The following VLDLR variants were observed in gnomAD, a reference collection of about 807,000 sequenced individuals.
VLDLR encodes the protein very low-density lipoprotein receptor.
A neutral mutation model predicts 112.7 loss-of-function variants in VLDLR; 81 were observed. The ratio of observed to expected loss-of-function variants is 0.72; its 90% confidence interval spans 0.60 to 0.86. VLDLR has a LOEUF of 0.86. Ranked by LOEUF, VLDLR falls within the 40% of genes least tolerant of loss-of-function variation. VLDLR has a pLI of 0.00. For synonymous variants in VLDLR, 436 were observed against 384.8 expected, an observed-to-expected ratio of 1.13 and a Z score of -1.56; for missense variants, 1,237 against 1,099.4, an observed-to-expected ratio of 1.13 and a Z score of -1.77.
Position 2,648,786 on chromosome 9 carries a change from T to TATCA in VLDLR, c.2081_2084dup (p.His695GlnfsTer3). On this transcript the variant is annotated frameshift_variant, in exon 14 of 19. Coordinates refer to ENST00000382100, the MANE Select transcript of VLDLR (RefSeq NM_003383.5). LOFTEE classifies it high-confidence loss of function. ...GAATGATGCCCAAGACATCATTGTC[T>TATCA]ATCATGAACTTGTACAGCCATCAGG... 6.2e-7 allele frequency: 1 copy of TATCA among 1,614,180 alleles called. No individual in the cohort carries two copies. The highest frequency in any genetic ancestry group is 8.5e-7 in the Non-Finnish European group (1 of 1,180,026).
chr9:2,653,682 C>G (rs1252772117), intron 18 of VLDLR, 151 bp from the exon 19 acceptor site: 1 of 804,552 alleles, frequency 1.2e-6, no homozygotes, highest in African/African-American at 1.7e-5. Flanking sequence ...ATGAATGATA[C>G]AACTCAGTAT....
At chr9:2,644,646 A>G in intron 7 of VLDLR, 88 bp from the exon 8 acceptor site, 3 of 1,584,854 alleles carry the variant, frequency 1.9e-6, no homozygotes, top group South Asian at 2.2e-5. Context: ...GGCCAACTAG[A>G]TAAGTTATCA....
chr9:2,640,469 C>G (rs1006278920), intron 3 of VLDLR, among the ~76,000 whole-genome samples: 6 of 152,130 alleles, frequency 3.9e-5, no homozygotes, highest in African/African-American at 1.4e-4. Flanking sequence ...CCTCAAGTTA[C>G]TAAAATGGAG....
At chr9:2,627,965 A>G (rs183884923) in intron 1 of VLDLR, among the ~76,000 whole-genome samples, 154 of 152,242 alleles carry the variant, frequency 1.0e-3, no homozygotes, top group Non-Finnish European at 1.6e-3. Context: ...AAAGTATTCT[A>G]GCTAGTAAAA....
At chr9:2,653,776 A>C in intron 18 of VLDLR, 57 bp from the exon 19 acceptor site, 37 of 1,595,914 alleles carry the variant, frequency 2.3e-5, no homozygotes, top group Non-Finnish European at 2.9e-5. Flanking sequence ...TTTAAAGACT[A>C]GAGTTGCCAT....
At chr9:2,651,819 A>T (rs1818362268) in intron 16 of VLDLR, 55 bp from the exon 17 acceptor site, 1 of 1,607,074 alleles carries the variant, frequency 6.2e-7, no homozygotes, top group Non-Finnish European at 8.5e-7. Flanking sequence ...TGATGGGTAA[A>T]TTTCTAAGTC....
At chr9:2,639,485 G>A (rs1586646512) in intron 2 of VLDLR, among the ~76,000 whole-genome samples, 1 of 152,188 alleles carries the variant, frequency 6.6e-6, no homozygotes, top group African/African-American at 2.4e-5. Flanking sequence ...TCAGAAGATG[G>A]AATGTTTAGC....
chr9:2,659,085 T>G lies in VLDLR; in HGVS notation c.*5217T>G, dbSNP rs1453231783. The stretch of plus-strand genomic sequence containing the variant: ...GGCTGCCAAAGCACTTAAAATCTCC[T>G]TTAAATTCTTACCATATGCTTACTT... On this transcript the variant is annotated 3_prime_UTR_variant, in exon 19 of 19. Transcript: ENST00000382100. 2.0e-5 allele frequency: 3 copies of G among 152,230 alleles called. No individual in the cohort carries two copies. 9.4% of individuals were successfully genotyped at this position (152,230 alleles called of 1,614,324 possible).
Position 2,622,138 on chromosome 9 carries a change from C to T in VLDLR, c.-52C>T. Reference sequence around the variant, plus strand: ...TCGGAAGGACTGGTAACTTGTCGTGCGGAGCGAACGGCGGCGGCGGCGGCG... The same window carrying T: ...TCGGAAGGACTGGTAACTTGTCGTGTGGAGCGAACGGCGGCGGCGGCGGCG... On this transcript the variant is annotated 5_prime_UTR_variant, in exon 1 of 19. Coordinates refer to ENST00000382100, the MANE Select transcript of VLDLR (RefSeq NM_003383.5). The T allele has an allele frequency of 7.1e-7, 1 of 1,415,494 alleles. No homozygotes were observed. The highest frequency in any genetic ancestry group is 9.3e-7 in the Non-Finnish European group (1 of 1,079,270). The allele number at this position is 1,415,494 out of a possible 1,614,324, so 87.7% of individuals were successfully genotyped here.
intron 1 of VLDLR, among the ~76,000 whole-genome samples, chr9:2,631,392 C>G (rs889287207): frequency 6.6e-6 from 1 of 152,026 alleles, no homozygotes; most frequent in African/African-American, 2.4e-5. Flanking sequence ...TTCACAGTAA[C>G]AAAGATACAG....
chr9:2,622,089 C>A lies in VLDLR; in HGVS notation c.-101C>A, dbSNP rs1306859502. 1.6e-6 allele frequency: 2 copies of A among 1,226,778 alleles called. No homozygotes were observed. Among genetic ancestry groups the A allele is most frequent in the Non-Finnish European group, 2.2e-6 (2 of 914,350 alleles). The allele number at this position is 1,226,778 out of a possible 1,614,324, so 76.0% of individuals were successfully genotyped here. Reference sequence around the variant, plus strand: ...CCCCTCCTTCTCCCCCTTTCCCCTCCCCGCCCCCACCTTCTTCCTCCTTTC... The same window carrying A: ...CCCCTCCTTCTCCCCCTTTCCCCTCACCGCCCCCACCTTCTTCCTCCTTTC... On this transcript the variant is annotated 5_prime_UTR_variant, in exon 1 of 19. Transcript: ENST00000382100.
At chr9:2,649,007 C>T (rs1445209927) in intron 14 of VLDLR, among the ~76,000 whole-genome samples, 197 bp downstream of exon 14, 3 of 152,202 alleles carry the variant, frequency 2.0e-5, no homozygotes, top group Non-Finnish European at 4.4e-5. Context: ...TCAACTTCAG[C>T]TCCTGGCTTT....
Position 2,652,067 on chromosome 9 carries a change from T to G in VLDLR, c.2416+113T>G, listed in dbSNP as rs866930059. 4.2e-6 allele frequency: 4 copies of G among 950,986 alleles called. No individual in the cohort carries two copies. The Middle Eastern group carries it at 1.1e-3, about 255-fold the overall frequency. The allele number at this position is 950,986 out of a possible 1,614,324, so 58.9% of individuals were successfully genotyped here. A position where few individuals can be genotyped will look rare whatever the true frequency, so the allele number is the denominator to read the frequency against. On this transcript the variant is annotated intron_variant, in intron 17 of 18. Coordinates refer to ENST00000382100, the MANE Select transcript of VLDLR (RefSeq NM_003383.5). ...GGGCCTTTATGCTGTCTAGCATTTA[T>G]GACACTGAATTACGTTCGCTTTCTC...
At chr9:2,624,841 A>C (rs1277413278) in intron 1 of VLDLR, among the ~76,000 whole-genome samples, 1 of 152,242 alleles carries the variant, frequency 6.6e-6, no homozygotes, top group Non-Finnish European at 1.5e-5. Flanking sequence ...TCACCAGCCA[A>C]GCCCTCCTTG....
chr9:2,631,447 T>C (rs569651356), intron 1 of VLDLR, among the ~76,000 whole-genome samples: 1 of 152,232 alleles, frequency 6.6e-6, no homozygotes, highest in Admixed American at 6.5e-5. Context: ...AAAGAAAATA[T>C]GGTACATATA....
rs754648994 is a variant in VLDLR at position 2,648,332 on chromosome 9, A to C, written c.1947A>C (p.Ala649=). The part of the protein sequence containing the change: ...KSLEFLAHPL[A]LTIFEDRVYW... Reference sequence around the variant, plus strand: ...TGGAGTTCCTAGCTCATCCTCTTGCACTAACAATATTTGAGGTAAGATGTG... The same window carrying C: ...TGGAGTTCCTAGCTCATCCTCTTGCCCTAACAATATTTGAGGTAAGATGTG... The change falls in exon 13 of 19, where the codon GCA becomes GCC. Residue 649 remains alanine (A), a synonymous_variant. Coordinates refer to ENST00000382100, the MANE Select transcript of VLDLR (RefSeq NM_003383.5). The C allele has an allele frequency of 6.2e-7, 1 of 1,614,184 alleles. No individual in the cohort carries two copies. Among genetic ancestry groups the C allele is most frequent in the East Asian group, 2.2e-5 (1 of 44,882 alleles).
intron 1 of VLDLR, among the ~76,000 whole-genome samples, chr9:2,632,271 C>T (rs35700192): frequency 6.6e-6 from 1 of 152,102 alleles, no homozygotes; most frequent in Non-Finnish European, 1.5e-5. Context: ...GCTACTGTGG[C>T]CTTTCCCTCC....
At chr9:2,641,938 C>T (rs1308732701) in intron 4 of VLDLR, among the ~76,000 whole-genome samples, 1 of 149,570 alleles carries the variant, frequency 6.7e-6, no homozygotes, top group African/African-American at 2.5e-5. Flanking sequence ...TTTCTTTGCC[C>T]ATGAACTAGA....
Position 2,657,312 on chromosome 9 carries a change from A to C in VLDLR, c.*3444A>C, listed in dbSNP as rs1818644724. On this transcript the variant is annotated 3_prime_UTR_variant, in exon 19 of 19. Transcript: ENST00000382100. ...ACTGTTTGCTTTCAATGGTGGCAAA[A>C]ACTTGCAAAAAGCAGATATACTTTT... is the stretch of plus-strand genomic sequence containing the variant. 6.6e-6 allele frequency: 1 copy of C among 152,204 alleles called. No homozygotes were observed. Among genetic ancestry groups the C allele is most frequent in the Admixed American group, 6.5e-5 (1 of 15,282 alleles). The allele number at this position is 152,204 out of a possible 1,614,324, so 9.4% of individuals were successfully genotyped here. A position where few individuals can be genotyped will look rare whatever the true frequency, so the allele number is the denominator to read the frequency against.
Sources: gnomAD v4.1 joint callset for allele counts (sites outside exome capture counted in the v4.1 genomes callset) on GRCh38, gnomAD v4.1.1 for gene constraint, MANE v1.5 for transcripts, NCBI Gene and HGNC (gene_info 2026-07-23, HGNC 2026-07-21) for gene names.